LMOD1: variants seen among roughly 807,000 people sequenced by gnomAD.
LMOD1 encodes the protein leiomodin-1.
Under a neutral mutation model 36.5 loss-of-function variants are expected in LMOD1, and 8 were observed. The observed-to-expected ratio is 0.22, with a 90% CI of 0.13 to 0.40. The LOEUF (loss-of-function observed/expected upper bound fraction) is 0.40, where lower values mean the gene tolerates loss of function less well. LMOD1 is among the 10% of genes least tolerant of loss of function. The pLI, the probability that LMOD1 is intolerant of heterozygous loss-of-function variation, is 1.00. For missense variants in LMOD1, 630 were observed against 751.1 expected, an observed-to-expected ratio of 0.84 and a Z score of 1.88; for synonymous variants, 284 against 288.7, an observed-to-expected ratio of 0.98 and a Z score of 0.17.
chr1:201,925,978 T>C (rs1217425323), intron 1 of LMOD1, among the ~76,000 whole-genome samples: 1 of 152,054 alleles, frequency 6.6e-6, no homozygotes, highest in Non-Finnish European at 1.5e-5. Flanking sequence ...CCTCCCAAAG[T>C]GTTGGAATTA....
At position 201,896,629 on chromosome 1, in the gene LMOD1, A is replaced by G. The variant is rs761122118; in HGVS notation, c.*1743T>C. On this transcript the variant is annotated 3_prime_UTR_variant, in exon 3 of 3. Transcript: ENST00000367288. ...GTGCCCAGCAGGCACAGGGGGGTGC[A>G]GTGGGACTGACAGTGAGGGCTGACA... is the stretch of plus-strand genomic sequence containing the variant. The G allele has an allele frequency of 2.2e-6, 1 of 456,738 alleles. No homozygotes were observed. The highest frequency in any genetic ancestry group is 4.4e-6 in the Non-Finnish European group (1 of 226,972). 28.3% of individuals were successfully genotyped at this position (456,738 alleles called of 1,614,324 possible).
At chr1:201,901,005 G>A (rs563493873) in intron 1 of LMOD1, among the ~76,000 whole-genome samples, 30 of 152,266 alleles carry the variant, frequency 2.0e-4, no homozygotes, top group Admixed American at 2.0e-3. Flanking sequence ...TACCTGCAAA[G>A]GTTGTGGCAG....
intron 1 of LMOD1, among the ~76,000 whole-genome samples, chr1:201,905,289 G>A (rs1681394538): frequency 6.6e-6 from 1 of 152,134 alleles, no homozygotes; most frequent in Non-Finnish European, 1.5e-5. Context: ...AGTAAGAAAC[G>A]GCTCCTTGCC....
At position 201,904,470 on chromosome 1, in the gene LMOD1, A is replaced by C. The variant is rs868046065; in HGVS notation, c.262-3719T>G. ...GGTGATCCACCTGCCTCGGCCTCCCAAAGTGCTGTGATTACAGGCGTGAGC... is the reference window on the plus strand; with the variant it reads ...GGTGATCCACCTGCCTCGGCCTCCCCAAGTGCTGTGATTACAGGCGTGAGC... On this transcript the variant is annotated intron_variant, in intron 1 of 2. Transcript: ENST00000367288. Among the ~76,000 whole-genome samples, 14 of 152,272 alleles carry C rather than the reference A, an allele frequency of 9.2e-5. No individual in the cohort carries two copies. The South Asian group carries it at 1.0e-3, about 11-fold the overall frequency.
At chr1:201,910,180 G>T (rs1681470662) in intron 1 of LMOD1, among the ~76,000 whole-genome samples, 1 of 152,178 alleles carries the variant, frequency 6.6e-6, no homozygotes, top group African/African-American at 2.4e-5. Flanking sequence ...CTTGAGGGAG[G>T]AGCCCTTTTG....
chr1:201,932,997 G>A lies in LMOD1; in HGVS notation c.261+13083C>T, dbSNP rs573514514. 2.0e-5 allele frequency among the ~76,000 whole-genome samples: 3 copies of A among 152,258 alleles called. No individual in the cohort carries two copies. In the South Asian group the frequency reaches 6.2e-4, roughly 32 times the overall value. The stretch of plus-strand genomic sequence containing the variant: ...AAGTGCACTAAAAATGTCCGAAAAT[G>A]TTCATAACAGCATTGTTTGTAATAG... On this transcript the variant is annotated intron_variant, in intron 1 of 2. Coordinates refer to ENST00000367288, the MANE Select transcript of LMOD1 (RefSeq NM_012134.3).
chr1:201,933,529 C>CTA (rs1461399978), intron 1 of LMOD1, among the ~76,000 whole-genome samples: 94 of 125,194 alleles, frequency 7.5e-4, no homozygotes, highest in African/African-American at 2.4e-3. Flanking sequence ...CTCTCTCTCT[C>CTA]TCTATATATA....
chr1:201,931,023 T>A (rs1397237425), intron 1 of LMOD1, among the ~76,000 whole-genome samples: 1 of 151,842 alleles, frequency 6.6e-6, no homozygotes, highest in East Asian at 1.9e-4. Flanking sequence ...ACGTCCAGGG[T>A]GATAGTGAGC....
chr1:201,920,019 A>G lies in LMOD1; in HGVS notation c.262-19268T>C, dbSNP rs549928938. Among the ~76,000 whole-genome samples, 1,058 of 136,460 alleles carry G rather than the reference A, an allele frequency of 7.8e-3. 13 individuals are homozygous for G. Among genetic ancestry groups the G allele is most frequent in the African/African-American group, 0.028 (1,004 of 35,812 alleles). 89.5% of individuals were successfully genotyped at this position (136,460 alleles called of 152,430 possible). A position where few individuals can be genotyped will look rare whatever the true frequency, so the allele number is the denominator to read the frequency against. On this transcript the variant is annotated intron_variant, in intron 1 of 2. Transcript: ENST00000367288. The stretch of plus-strand genomic sequence containing the variant: ...GAAGGAATATATTGGCTTCAATGCC[A>G]TCTCCACCCGCCACTGGCTCTCTCT...
intron 1 of LMOD1, among the ~76,000 whole-genome samples, chr1:201,909,540 T>C (rs1201608432): frequency 1.3e-5 from 2 of 152,316 alleles, no homozygotes; most frequent in East Asian, 3.9e-4. Context: ...CTGCCATACC[T>C]GGCCTTGAGC....
At chr1:201,940,341 C>A (rs145411447) in intron 1 of LMOD1, among the ~76,000 whole-genome samples, 1 of 151,580 alleles carries the variant, frequency 6.6e-6, no homozygotes, top group Non-Finnish European at 1.5e-5. Context: ...CATGCGCCAC[C>A]ACACCCAGTT....
intron 1 of LMOD1, among the ~76,000 whole-genome samples, chr1:201,917,971 C>T (rs1681638592): frequency 6.6e-6 from 1 of 152,204 alleles, no homozygotes; most frequent in Non-Finnish European, 1.5e-5. Flanking sequence ...TGCTCCAGGG[C>T]CCCATGCTCA....
rs376484547 is a variant in LMOD1 at position 201,901,596 on chromosome 1, G to GTATA, written c.262-849_262-846dup. On this transcript the variant is annotated intron_variant, in intron 1 of 2. Coordinates refer to ENST00000367288, the MANE Select transcript of LMOD1 (RefSeq NM_012134.3). ...TATATATATATATACATATATATATGTATATATATATATACACATATATAT... is the reference window on the plus strand; with the variant it reads ...TATATATATATATACATATATATATGTATATATATATATATATACACATATATAT... Among the ~76,000 whole-genome samples, 27 of 62,924 alleles carry GTATA rather than the reference G, an allele frequency of 4.3e-4. 4 individuals carry two copies. The highest frequency in any genetic ancestry group is 0.016 in the Middle Eastern group (2 of 122). 41.3% of individuals were successfully genotyped at this position (62,924 alleles called of 152,430 possible). A position where few individuals can be genotyped will look rare whatever the true frequency, so the allele number is the denominator to read the frequency against.
At chr1:201,927,391 C>A (rs1681844047) in intron 1 of LMOD1, among the ~76,000 whole-genome samples, 1 of 152,048 alleles carries the variant, frequency 6.6e-6, no homozygotes, top group Admixed American at 6.6e-5. Context: ...CATGGTGTAA[C>A]CCCATCTCTA....
chr1:201,920,767 G>T (rs1311116838), intron 1 of LMOD1, among the ~76,000 whole-genome samples: 1 of 151,550 alleles, frequency 6.6e-6, no homozygotes, highest in African/African-American at 2.4e-5. Flanking sequence ...GGTGGCTCAC[G>T]CCTGTAATCT....
chr1:201,926,812 T>C (rs1445097638), intron 1 of LMOD1, among the ~76,000 whole-genome samples: 1 of 151,554 alleles, frequency 6.6e-6, no homozygotes. Flanking sequence ...AGTCCAGGAG[T>C]TTGAGACTAG....
chr1:201,914,986 T>C (rs1462744242), intron 1 of LMOD1, among the ~76,000 whole-genome samples: 1 of 152,150 alleles, frequency 6.6e-6, no homozygotes, highest in East Asian at 1.9e-4. Context: ...TATTCATTCC[T>C]CAATCCAACA....
intron 1 of LMOD1, among the ~76,000 whole-genome samples, chr1:201,941,688 G>A (rs1044719618): frequency 6.6e-6 from 1 of 152,366 alleles, no homozygotes; most frequent in East Asian, 1.9e-4. Context: ...ACCGATGGGG[G>A]AGGGGGCTGC....
intron 1 of LMOD1, among the ~76,000 whole-genome samples, chr1:201,908,714 G>T (rs1681447623): frequency 6.6e-6 from 1 of 152,106 alleles, no homozygotes; most frequent in Non-Finnish European, 1.5e-5. Flanking sequence ...CACTCAGCAA[G>T]GGGGTTTACA....
Sources: gnomAD v4.1 joint callset for allele counts (sites outside exome capture counted in the v4.1 genomes callset) on GRCh38, gnomAD v4.1.1 for gene constraint, MANE v1.5 for transcripts, NCBI Gene and HGNC (gene_info 2026-07-23, HGNC 2026-07-21) for gene names.